Variants in SLIT3 observed in about 807,000 individuals in gnomAD.
SLIT3 encodes the protein slit homolog 3 protein.
In SLIT3, 68 loss-of-function variants were observed where a neutral mutation model predicts 184.0. That is an observed-to-expected ratio of 0.37 (90% CI 0.30 to 0.45). The LOEUF (loss-of-function observed/expected upper bound fraction) is 0.45. Ranked by LOEUF, SLIT3 falls within the 20% of genes least tolerant of loss-of-function variation. The pLI is 1.00. For synonymous variants in SLIT3, 831 were observed against 828.6 expected, an observed-to-expected ratio of 1.00 and a Z score of -0.05; for missense variants, 1,707 against 2,026.0, an observed-to-expected ratio of 0.84 and a Z score of 3.02.
intron 4 of SLIT3, among the ~76,000 whole-genome samples, chr5:169,112,371 G>C (rs1297944965): frequency 3.3e-5 from 5 of 152,178 alleles, no homozygotes; most frequent in Non-Finnish European, 7.3e-5. Flanking sequence ...TTGGCTGCTT[G>C]ATCTTGGGTA....
At chr5:169,026,946 T>C (rs1193450725) in intron 4 of SLIT3, among the ~76,000 whole-genome samples, 1 of 152,138 alleles carries the variant, frequency 6.6e-6, no homozygotes, top group Non-Finnish European at 1.5e-5. Flanking sequence ...AGGCTTGAAG[T>C]CTGAATGAGG....
rs147058844 is a variant in SLIT3 at position 169,040,297 on chromosome 5, C to T, written c.413+153182G>A. ...TAAAGCATTTTTTCCTTTGAGATGGCATTGCTCATCTGTATTTATCCCACA... is the reference window on the plus strand; with the variant it reads ...TAAAGCATTTTTTCCTTTGAGATGGTATTGCTCATCTGTATTTATCCCACA... On this transcript the variant is annotated intron_variant, in intron 4 of 35. Transcript: ENST00000519560. 1.9e-3 allele frequency among the ~76,000 whole-genome samples: 287 copies of T among 152,276 alleles called. 2 individuals carry two copies. The highest frequency in any genetic ancestry group is 6.5e-3 in the African/African-American group (269 of 41,554).
At chr5:168,681,782 C>T (rs1037824402) in intron 32 of SLIT3, among the ~76,000 whole-genome samples, 13 of 152,214 alleles carry the variant, frequency 8.5e-5, no homozygotes, top group Non-Finnish European at 1.3e-4. Flanking sequence ...TTGGGAAGGC[C>T]CCCAGCTCAG....
At chr5:168,901,453 C>T (rs1270146376) in intron 4 of SLIT3, among the ~76,000 whole-genome samples, 1 of 152,166 alleles carries the variant, frequency 6.6e-6, no homozygotes, top group African/African-American at 2.4e-5. Context: ...TCTCCATCCT[C>T]AACCCAACAA....
At chr5:169,074,595 T>C (rs969937661) in intron 4 of SLIT3, among the ~76,000 whole-genome samples, 2 of 152,168 alleles carry the variant, frequency 1.3e-5, no homozygotes, top group Non-Finnish European at 1.5e-5. Context: ...GTGAGTACCT[T>C]TCTGAAGGTC....
Position 168,696,429 on chromosome 5 carries a change from C to T in SLIT3, c.2945G>A (p.Cys982Tyr). ...LSDSHKDGFSCSCPLGFEGQR... is the reference protein window; with the variant it reads ...LSDSHKDGFSYSCPLGFEGQR... ...CCCCTCAAAGCCCAGAGGGCAGGAG[C>T]AGCTTTGGGATGTGAGGGGTGGAGA... The change falls in exon 28 of 36, where the codon TGC becomes TAC. Residue 982 changes from cysteine to tyrosine, a missense_variant and splice_region_variant. By Grantham distance (194) the Cys-to-Tyr change is radical. This residue lies in a region of SLIT3 where 1,307 missense variants were observed against 1,511.6 expected (regional missense o/e 0.86). Transcript: ENST00000519560. 1 of 1,614,060 alleles carries T rather than the reference C, an allele frequency of 6.2e-7. No homozygotes were observed. The highest frequency in any genetic ancestry group is 8.5e-7 in the Non-Finnish European group (1 of 1,180,016).
At chr5:169,139,788 CAGCAGCTAGTA>C (rs1479153475) in intron 4 of SLIT3, among the ~76,000 whole-genome samples, 1 of 152,198 alleles carries the variant, frequency 6.6e-6, no homozygotes, top group Non-Finnish European at 1.5e-5. Context: ...CCACTCTTGC[CAGCAGCTAGTA>C]ACCCCTTCCA....
intron 20 of SLIT3, among the ~76,000 whole-genome samples, chr5:168,732,225 A>G (rs551048285): frequency 6.6e-6 from 1 of 152,096 alleles, no homozygotes; most frequent in East Asian, 1.9e-4. Context: ...AACAAAAACA[A>G]AAACAAAACC....
intron 5 of SLIT3, among the ~76,000 whole-genome samples, chr5:168,845,305 A>T (rs1758420412): frequency 6.6e-6 from 1 of 152,170 alleles, no homozygotes; most frequent in Admixed American, 6.5e-5. Flanking sequence ...CTGGTAGGTC[A>T]TTCTATTGAA....
At chr5:168,957,484 T>C (rs928444341) in intron 4 of SLIT3, among the ~76,000 whole-genome samples, 1 of 152,202 alleles carries the variant, frequency 6.6e-6, no homozygotes, top group Non-Finnish European at 1.5e-5. Context: ...CAGGGGATCC[T>C]CTGAACATGC....
chr5:168,711,740 G>A (rs1762567378), intron 24 of SLIT3, among the ~76,000 whole-genome samples: 1 of 152,194 alleles, frequency 6.6e-6, no homozygotes, highest in African/African-American at 2.4e-5. Context: ...GCCTGGGAGT[G>A]AGGGAATCTA....
rs535124180 is a variant in SLIT3, at chr5:169,264,770, T to G, written c.198-13311A>C. ...AGGCATTATTAACTATTCTGATTTT[T>G]GCACTTCGTTCTCATCTGTTACATA... is the stretch of plus-strand genomic sequence containing the variant. On this transcript the variant is annotated intron_variant, in intron 1 of 35. Coordinates refer to ENST00000519560, the MANE Select transcript of SLIT3 (RefSeq NM_003062.4). Among the ~76,000 whole-genome samples the G allele has an allele frequency of 6.7e-4, 102 of 152,354 alleles. 1 individual carries two copies. Among genetic ancestry groups the G allele is most frequent in the South Asian group, 4.3e-3 (21 of 4,828 alleles).
chr5:168,706,033 C>T (rs1186192501), intron 26 of SLIT3, among the ~76,000 whole-genome samples: 1 of 152,200 alleles, frequency 6.6e-6, no homozygotes, highest in Non-Finnish European at 1.5e-5. Flanking sequence ...GTTACAAATG[C>T]AGTCACAGTT....
chr5:168,767,008 A>C (rs1755367386), intron 14 of SLIT3, among the ~76,000 whole-genome samples: 1 of 152,250 alleles, frequency 6.6e-6, no homozygotes. Flanking sequence ...CAGTGCAGCC[A>C]TTCTGGAATC....
chr5:169,253,084 A>G (rs1581104693), intron 1 of SLIT3, among the ~76,000 whole-genome samples: 1 of 90,414 alleles, frequency 1.1e-5, no homozygotes, highest in Non-Finnish European at 2.0e-5. Context: ...GGTTTAGAAG[A>G]AAAAAAAAAA....
At chr5:169,268,557 C>T (rs992575856) in intron 1 of SLIT3, among the ~76,000 whole-genome samples, 4 of 152,176 alleles carry the variant, frequency 2.6e-5, no homozygotes, top group Non-Finnish European at 5.9e-5. Context: ...CTGGGCATCA[C>T]CCACAGAGCA....
At chr5:168,964,411 A>G (rs997615962) in intron 4 of SLIT3, among the ~76,000 whole-genome samples, 13 of 152,356 alleles carry the variant, frequency 8.5e-5, no homozygotes, top group African/African-American at 3.1e-4. Flanking sequence ...AGATATTTAC[A>G]TGCACTTCAA....
chr5:168,761,920 A>ATTTT lies in SLIT3; in HGVS notation c.1610+618_1610+619insAAAA, dbSNP rs546743393. Among the ~76,000 whole-genome samples the ATTTT allele has an allele frequency of 7.7e-3, 884 of 115,542 alleles. 11 individuals carry two copies. Among genetic ancestry groups the ATTTT allele is most frequent in the African/African-American group, 0.017 (508 of 30,574 alleles). 75.8% of individuals were successfully genotyped at this position (115,542 alleles called of 152,430 possible). ...TCATGCCCAGCTAATAAAAAAAAAA[A>ATTTT]ATTTTTTTTTTTTTTTTGTAGAGAC... is the stretch of plus-strand genomic sequence containing the variant. On this transcript the variant is annotated intron_variant, in intron 15 of 35. Coordinates refer to ENST00000519560, the MANE Select transcript of SLIT3 (RefSeq NM_003062.4).
intron 4 of SLIT3, among the ~76,000 whole-genome samples, chr5:169,154,506 C>T (rs1171847689): frequency 2.0e-5 from 3 of 152,218 alleles, no homozygotes; most frequent in African/African-American, 7.2e-5. Flanking sequence ...GAGAACAAGG[C>T]CATGCTCAGG....
Sources: allele counts gnomAD v4.1 joint callset (sites outside exome capture counted in the v4.1 genomes callset), GRCh38; gene constraint gnomAD v4.1.1; regional missense constraint gnomAD v4.1.1; transcripts MANE v1.5; gene names NCBI Gene and HGNC (gene_info 2026-07-23, HGNC 2026-07-21).